Variants in RBM18 observed in about 807,000 individuals in gnomAD.
The protein encoded by RBM18 is RNA binding motif protein 18.
A neutral mutation model predicts 26.4 loss-of-function variants in RBM18; 18 were observed. The ratio of observed to expected loss-of-function variants is 0.68; its 90% CI spans 0.47 to 1.01. The LOEUF (loss-of-function observed/expected upper bound fraction) is 1.01, where lower values mean the gene tolerates loss of function less well. RBM18 is among the 50% of genes least tolerant of loss of function. The pLI is 0.00. For missense variants in RBM18, 180 were observed against 219.2 expected, an observed-to-expected ratio of 0.82 and a Z score of 1.13; for synonymous variants, 74 against 81.1, an observed-to-expected ratio of 0.91 and a Z score of 0.47.
Position 122,240,492 on chromosome 9 carries a change from T to C in RBM18, c.*1392A>G, listed in dbSNP as rs1564453373. 1 of 152,246 alleles carries C rather than the reference T, an allele frequency of 6.6e-6. No individual in the cohort carries two copies. The highest frequency in any genetic ancestry group is 1.5e-5 in the Non-Finnish European group (1 of 68,034). 9.4% of individuals were successfully genotyped at this position (152,246 alleles called of 1,614,324 possible). A position where few individuals can be genotyped will look rare whatever the true frequency, so the allele number is the denominator to read the frequency against. ...AAATTCATTTATACTCATGGGAAGATGTTAAGTTCCTATATTGAAAGCTTC... is the reference window on the plus strand; with the variant it reads ...AAATTCATTTATACTCATGGGAAGACGTTAAGTTCCTATATTGAAAGCTTC... On this transcript the variant is annotated 3_prime_UTR_variant, in exon 6 of 6. Transcript: ENST00000417201.
In RBM18 at chr9:122,257,438, C is replaced by T. The variant is rs116366519; in HGVS notation, c.113+3942G>A. 6.8e-3 allele frequency among the ~76,000 whole-genome samples: 1,036 copies of T among 152,226 alleles called. 13 individuals are homozygous for T. Among genetic ancestry groups the T allele is most frequent in the African/African-American group, 0.024 (1,012 of 41,520 alleles). On this transcript the variant is annotated intron_variant, in intron 2 of 5. Coordinates refer to ENST00000417201, the MANE Select transcript of RBM18 (RefSeq NM_033117.4). ...TGGGATTACAGGCGTTGAACCCCACCGCGCCCAGCCAATGGTCAATATTAC... is the reference window on the plus strand; with the variant it reads ...TGGGATTACAGGCGTTGAACCCCACTGCGCCCAGCCAATGGTCAATATTAC...
At chr9:122,259,092 G>C (rs919312611) in intron 2 of RBM18, among the ~76,000 whole-genome samples, 7 of 152,002 alleles carry the variant, frequency 4.6e-5, no homozygotes, top group African/African-American at 1.7e-4. Flanking sequence ...AAAGAGCAGA[G>C]ATATCAGTGG....
At chr9:122,258,787 C>CA (rs1432707856) in intron 2 of RBM18, among the ~76,000 whole-genome samples, 4 of 150,556 alleles carry the variant, frequency 2.7e-5, no homozygotes, top group South Asian at 2.1e-4. Context: ...AAAACAAAAA[C>CA]AAAAAACAAC....
At chr9:122,250,098 T>A (rs1407866819) in intron 3 of RBM18, among the ~76,000 whole-genome samples, 1 of 141,634 alleles carries the variant, frequency 7.1e-6, no homozygotes, top group Non-Finnish European at 1.6e-5. Context: ...AATTCTATAT[T>A]CTATATTGCA....
chr9:122,257,460 T>C (rs1831716743), intron 2 of RBM18, among the ~76,000 whole-genome samples: 1 of 152,176 alleles, frequency 6.6e-6, no homozygotes, highest in Non-Finnish European at 1.5e-5. Flanking sequence ...ATGGTCAATA[T>C]TACAACCACA....
chr9:122,250,022 A>AT (rs1831573264), intron 3 of RBM18, among the ~76,000 whole-genome samples: 1 of 136,326 alleles, frequency 7.3e-6, no homozygotes, highest in East Asian at 2.4e-4. Flanking sequence ...GTGGGTCATG[A>AT]TTGTGTCACT....
chr9:122,246,776 C>G (rs375430314), intron 4 of RBM18, among the ~76,000 whole-genome samples: 4 of 152,128 alleles, frequency 2.6e-5, no homozygotes, highest in Admixed American at 6.6e-5. Context: ...AGCTCCAACT[C>G]AAAACTGTCA....
chr9:122,256,265 T>C (rs1831696619), intron 2 of RBM18, among the ~76,000 whole-genome samples: 1 of 152,226 alleles, frequency 6.6e-6, no homozygotes, highest in African/African-American at 2.4e-5. Flanking sequence ...ATCTTCCTCA[T>C]TTTCTACTTA....
At chr9:122,262,975 T>C (rs1646067562) in intron 1 of RBM18, among the ~76,000 whole-genome samples, 1 of 152,166 alleles carries the variant, frequency 6.6e-6, no homozygotes, top group Non-Finnish European at 1.5e-5. Flanking sequence ...AACTTAAGGC[T>C]TCGAGGACCA....
At chr9:122,244,201 C>G (rs892951491) in intron 5 of RBM18, among the ~76,000 whole-genome samples, 3 of 151,746 alleles carry the variant, frequency 2.0e-5, no homozygotes, top group African/African-American at 7.3e-5. Context: ...TTAAATTTAC[C>G]AATTTACCAT....
rs368933160 is a variant in RBM18 at position 122,239,823 on chromosome 9, G to A, written c.*2061C>T. 9.2e-5 allele frequency: 14 copies of A among 152,338 alleles called. No homozygotes were observed. Among genetic ancestry groups the A allele is most frequent in the African/African-American group, 3.4e-4 (14 of 41,570 alleles). 9.4% of individuals were successfully genotyped at this position (152,338 alleles called of 1,614,324 possible). Reference sequence around the variant, plus strand: ...ATTCTCATCTCTAACAACAGAGGTAGGCAGGCATAAAGGGTAAAGAGAGTT... The same window carrying A: ...ATTCTCATCTCTAACAACAGAGGTAAGCAGGCATAAAGGGTAAAGAGAGTT... On this transcript the variant is annotated 3_prime_UTR_variant, in exon 6 of 6. Transcript: ENST00000417201.
Position 122,251,869 on chromosome 9 carries a change from A to G in RBM18, c.218T>C (p.Phe73Ser), listed in dbSNP as rs776776524. 17 of 1,614,030 alleles carry G rather than the reference A, an allele frequency of 1.1e-5. No individual in the cohort carries two copies. The highest frequency in any genetic ancestry group is 1.4e-5 in the Non-Finnish European group (17 of 1,180,004). ...TACCTGCTTAGTTTCAAAGTTAACA[A>G]AACAGTAGCCTCGAGGCTGTCCCTC... ...ALEGQPRGYC[F>S]VNFETKQEAE... is the part of the protein sequence containing the mutation. Residue 73 changes from phenylalanine (F) to serine (S), a missense_variant, in exon 3 of 6, where the codon TTT becomes TCT. By Grantham distance (155) the Phe-to-Ser change is radical. Transcript: ENST00000417201.
At chr9:122,256,654 GT>G in intron 2 of RBM18, among the ~76,000 whole-genome samples, 1 of 152,138 alleles carries the variant, frequency 6.6e-6, no homozygotes, top group South Asian at 2.1e-4. Context: ...GATACTTTTG[GT>G]TGTGACTGTT....
At chr9:122,259,769 C>G (rs1831756195) in intron 2 of RBM18, among the ~76,000 whole-genome samples, 1 of 152,170 alleles carries the variant, frequency 6.6e-6, no homozygotes, top group South Asian at 2.1e-4. Context: ...TCTCCGTGCA[C>G]TGCAACCTCC....
At chr9:122,257,806 C>T (rs1481331692) in intron 2 of RBM18, among the ~76,000 whole-genome samples, 1 of 152,010 alleles carries the variant, frequency 6.6e-6, no homozygotes, top group Non-Finnish European at 1.5e-5. Context: ...ACAGTAGGGA[C>T]ACATATAAGA....
intron 5 of RBM18, 77 bp from the exon 6 acceptor site, chr9:122,242,120 C>A: frequency 1.4e-6 from 2 of 1,411,088 alleles, no homozygotes; most frequent in South Asian, 1.3e-5. Context: ...TCTCCTTGAG[C>A]CTCTTGGGAA....
chr9:122,251,604 C>G (rs1831607009), intron 3 of RBM18, among the ~76,000 whole-genome samples: 1 of 152,156 alleles, frequency 6.6e-6, no homozygotes, highest in Non-Finnish European at 1.5e-5. Context: ...CATCCCAGTG[C>G]ATTTGGTCAA....
chr9:122,248,689 TA>T (rs1278241927), intron 3 of RBM18, among the ~76,000 whole-genome samples: 1 of 152,216 alleles, frequency 6.6e-6, no homozygotes, highest in Admixed American at 6.5e-5. Flanking sequence ...AACCTGGCTG[TA>T]CTTTCCATCC....
chr9:122,247,687 T>C, intron 3 of RBM18, 83 bp from the exon 4 acceptor site: 1 of 1,025,480 alleles, frequency 9.8e-7, no homozygotes, highest in Non-Finnish European at 1.5e-6. Context: ...TCACTAGCTT[T>C]GATGGCTGAG....
Sources: allele counts gnomAD v4.1 joint callset (sites outside exome capture counted in the v4.1 genomes callset), GRCh38; gene constraint gnomAD v4.1.1; transcripts MANE v1.5; gene names NCBI Gene and HGNC (gene_info 2026-07-23, HGNC 2026-07-21).